The following CADPS variants were observed in gnomAD, a reference collection of about 807,000 sequenced individuals.
CADPS encodes the protein calcium dependent secretion activator, also known as calcium-dependent secretion activator 1.
Under a neutral mutation model 167.3 loss-of-function variants are expected in CADPS, and 57 were observed. The ratio of observed to expected loss-of-function variants is 0.34; its 90% confidence interval spans 0.28 to 0.42. CADPS has a LOEUF of 0.42. Among genes scored for constraint, CADPS ranks in the 20% least tolerant of loss-of-function variants. The pLI is 1.00. For synonymous variants in CADPS, 676 were observed against 635.3 expected (o/e 1.06, Z -0.96); for missense variants, 1,414 against 1,738.1 (o/e 0.81, Z 3.32).
At chr3:62,779,328 T>C (rs2091081689) in intron 1 of CADPS, 1 of 404,158 alleles carries the variant, frequency 2.5e-6, no homozygotes. Flanking sequence ...TGGTCATCTT[T>C]TTTTCTGGAA....
chr3:62,666,653 G>A (rs927750197), intron 3 of CADPS, among the ~76,000 whole-genome samples: 2 of 152,198 alleles, frequency 1.3e-5, no homozygotes, highest in Non-Finnish European at 2.9e-5. Context: ...CAGTCAAGTA[G>A]AGGAAAATAA....
At chr3:62,752,798 C>G (rs945427659) in intron 3 of CADPS, among the ~76,000 whole-genome samples, 1 of 152,108 alleles carries the variant, frequency 6.6e-6, no homozygotes, top group African/African-American at 2.4e-5. Context: ...AAAATAGGCA[C>G]GTAATAAATA....
Position 62,478,397 on chromosome 3 carries a change from C to T in CADPS, c.3193G>A (p.Glu1065Lys), listed in dbSNP as rs2061573696. 6.2e-7 allele frequency: 1 copy of T among 1,613,584 alleles called. No individual in the cohort carries two copies. The highest frequency in any genetic ancestry group is 1.3e-5 in the African/African-American group (1 of 74,896). Residue 1065 changes from glutamate to lysine, a missense_variant, in exon 23 of 30, where the codon GAA becomes AAA. Transcript: ENST00000383710. This position sits in a 1 kb window ranked among gnomAD's most constrained non-coding sequence, Gnocchi z 5.7. Reference protein sequence around the residue: ...YDADNGSGTSEDLFWKLDALQ... With the variant: ...YDADNGSGTSKDLFWKLDALQ... Reference sequence around the variant, plus strand: ...GCGTCAAGTTTCCAAAACAGATCTTCTGAGGTGCCTGACCCATTACTGGCA... The same window carrying T: ...GCGTCAAGTTTCCAAAACAGATCTTTTGAGGTGCCTGACCCATTACTGGCA...
At chr3:62,578,539 G>T (rs1338838615) in intron 8 of CADPS, among the ~76,000 whole-genome samples, 1 of 150,584 alleles carries the variant, frequency 6.6e-6, no homozygotes, top group Non-Finnish European at 1.5e-5. Context: ...GAACCCGGGA[G>T]GCGGAGCTTG....
At chr3:62,444,421 ATGACTTAGGTATTATCGT>A (rs2056876354) in intron 27 of CADPS, among the ~76,000 whole-genome samples, 4 of 152,236 alleles carry the variant, frequency 2.6e-5, no homozygotes, top group Non-Finnish European at 4.4e-5. Context: ...CAGCAAACCC[ATGACTTAGGTATTATCGT>A]CATCTCCATT....
rs2055693202 is a variant in CADPS, at chr3:62,438,751, GTGTGTGTA to G, written c.3670-548_3670-541del. On this transcript the variant is annotated intron_variant, in intron 27 of 29. Coordinates refer to ENST00000383710, the MANE Select transcript of CADPS (RefSeq NM_003716.4). This position sits in a 1 kb window ranked among gnomAD's most constrained non-coding sequence, Gnocchi z 4.7. Reference sequence around the variant, plus strand: ...TGTGTGTGTGTGTGTGTGTGTGTGTGTGTGTGTATAGCTTAACCTGAGTGGATATAGTA... The same window carrying G: ...TGTGTGTGTGTGTGTGTGTGTGTGTGTAGCTTAACCTGAGTGGATATAGTA... 7.1e-6 allele frequency: 1 copy of G among 140,680 alleles called. No individual in the cohort carries two copies. Among genetic ancestry groups the G allele is most frequent in the Non-Finnish European group, 1.6e-5 (1 of 63,290 alleles). 8.7% of individuals were successfully genotyped at this position (140,680 alleles called of 1,614,324 possible).
chr3:62,586,062 A>T (rs1176284220), intron 7 of CADPS, among the ~76,000 whole-genome samples: 2 of 152,226 alleles, frequency 1.3e-5, no homozygotes, highest in African/African-American at 4.8e-5. Context: ...GTAACTCACT[A>T]AATCCACTTT....
At chr3:62,659,438 G>A (rs2072597579) in intron 4 of CADPS, among the ~76,000 whole-genome samples, 1 of 152,154 alleles carries the variant, frequency 6.6e-6, no homozygotes, top group East Asian at 1.9e-4. Context: ...CTAAGCTGAG[G>A]GAAAAGCAGG....
At chr3:62,520,044 A>T (rs2070078321) in intron 13 of CADPS, among the ~76,000 whole-genome samples, 1 of 152,212 alleles carries the variant, frequency 6.6e-6, no homozygotes, top group African/African-American at 2.4e-5. Context: ...GGAGCAATTT[A>T]AAGCATTTGT....
At chr3:62,547,328 G>C (rs2076606139) in intron 11 of CADPS, among the ~76,000 whole-genome samples, 1 of 152,150 alleles carries the variant, frequency 6.6e-6, no homozygotes, top group Non-Finnish European at 1.5e-5. Flanking sequence ...TCATATTTTT[G>C]TGTATGTGCA....
chr3:62,835,951 A>T (rs304177), intron 1 of CADPS, among the ~76,000 whole-genome samples: 126,932 of 152,218 alleles, frequency 0.83, 53,100 homozygotes, highest in Middle Eastern at 0.91. Flanking sequence ...TTTCTCTTCA[A>T]GCTTCTCCTT....
At chr3:62,764,143 G>T (rs923883762) in intron 2 of CADPS, among the ~76,000 whole-genome samples, 1 of 152,168 alleles carries the variant, frequency 6.6e-6, no homozygotes, top group African/African-American at 2.4e-5. Context: ...ATGGATAGGG[G>T]TCTGCTTGGC....
At chr3:62,553,725 CAAG>C (rs1283169430) in intron 10 of CADPS, among the ~76,000 whole-genome samples, 1 of 152,078 alleles carries the variant, frequency 6.6e-6, no homozygotes, top group East Asian at 1.9e-4. Flanking sequence ...CCAAGGAAAG[CAAG>C]AAGGAGATAG....
intron 6 of CADPS, among the ~76,000 whole-genome samples, chr3:62,600,110 C>T (rs1237557699): frequency 6.8e-6 from 1 of 147,590 alleles, no homozygotes; most frequent in Non-Finnish European, 1.5e-5. Flanking sequence ...GTGACTGCCC[C>T]TTTCAACTGA....
chr3:62,567,564 CTTTTTTTTTTTT>C (rs10561022), intron 9 of CADPS, among the ~76,000 whole-genome samples: 3 of 33,818 alleles, frequency 8.9e-5, no homozygotes, highest in Non-Finnish European at 5.3e-5. Context: ...CTAAGCACTG[CTTTTTTTTTTTT>C]TTTTTTTTTT....
chr3:62,618,055 G>T (rs529105964), intron 6 of CADPS, among the ~76,000 whole-genome samples: 1 of 152,188 alleles, frequency 6.6e-6, no homozygotes, highest in African/African-American at 2.4e-5. Context: ...ACTGGTTCAT[G>T]GGTGGATATC....
At chr3:62,667,383 T>C (rs12637168) in intron 3 of CADPS, among the ~76,000 whole-genome samples, 3,553 of 152,112 alleles carry the variant, frequency 0.023, 70 homozygotes, top group East Asian at 0.085. Context: ...GTTCTGATCC[T>C]TAGTTTGCCT....
intron 1 of CADPS, among the ~76,000 whole-genome samples, chr3:62,799,853 T>A (rs1301417195): frequency 6.6e-6 from 1 of 152,168 alleles, no homozygotes; most frequent in Non-Finnish European, 1.5e-5. Context: ...TACATTTCTT[T>A]GACCACTTTC....
intron 3 of CADPS, among the ~76,000 whole-genome samples, chr3:62,681,176 C>T (rs1191975696): frequency 6.6e-6 from 1 of 152,042 alleles, no homozygotes; most frequent in Non-Finnish European, 1.5e-5. Context: ...CTAACAGACT[C>T]CTCCCCTACT....
Sources: gnomAD v4.1 joint callset for allele counts (sites outside exome capture counted in the v4.1 genomes callset) on GRCh38, gnomAD v4.1.1 for gene constraint, Gnocchi (gnomAD v3.1) non-coding constraint, MANE v1.5 for transcripts, NCBI Gene and HGNC (gene_info 2026-07-23, HGNC 2026-07-21) for gene names.